The following APCDD1L variants were observed in gnomAD, a reference collection of about 807,000 sequenced individuals.
The protein encoded by APCDD1L is protein APCDD1-like.
A neutral mutation model predicts 24.2 loss-of-function variants in APCDD1L; 21 were observed. The ratio of observed to expected loss-of-function variants is 0.87; its 90% CI spans 0.61 to 1.25. APCDD1L has a LOEUF of 1.25. Among genes scored for constraint, APCDD1L ranks in the 50% most tolerant of loss-of-function variants. The pLI is 0.00. For missense variants in APCDD1L, 704 were observed against 711.7 expected, an observed-to-expected ratio of 0.99 and a Z score of 0.12; for synonymous variants, 321 against 323.6, an observed-to-expected ratio of 0.99 and a Z score of 0.09.
Position 58,460,663 on chromosome 20 carries a change from A to G in APCDD1L, c.*127T>C, listed in dbSNP as rs1989577569. The G allele has an allele frequency of 5.8e-6, 7 of 1,205,924 alleles. No homozygotes were observed. Among genetic ancestry groups the G allele is most frequent in the African/African-American group, 1.5e-5 (1 of 65,596 alleles). The allele number at this position is 1,205,924 out of a possible 1,614,324, so 74.7% of individuals were successfully genotyped here. ...ACATGGGACACAGGCAGAGTTTGGA[A>G]GCAGTGGGGCTGTGCATCCATCCAT... On this transcript the variant is annotated 3_prime_UTR_variant, in exon 4 of 4. Transcript: ENST00000371149. This position sits in a 1 kb window ranked among gnomAD's most constrained non-coding sequence, Gnocchi z 4.2.
intron 1 of APCDD1L, among the ~76,000 whole-genome samples, chr20:58,478,361 C>CTTCCTTCCTTCCT (rs1555821836): frequency 1.3e-5 from 2 of 148,860 alleles, no homozygotes; most frequent in Non-Finnish European, 3.0e-5. Context: ...TTTTTCTTTT[C>CTTCCTTCCTTCCT]TCCTTCCTTC....
intron 3 of APCDD1L, among the ~76,000 whole-genome samples, chr20:58,466,546 C>G (rs766099156): frequency 2.2e-4 from 33 of 152,274 alleles, no homozygotes; most frequent in Non-Finnish European, 4.7e-4. Context: ...AAGCTGCCCT[C>G]TCCCTAATTC....
chr20:58,482,078 G>A (rs760560461), intron 1 of APCDD1L, among the ~76,000 whole-genome samples: 2 of 152,188 alleles, frequency 1.3e-5, no homozygotes, highest in East Asian at 1.9e-4. Context: ...GGTCAGCTGC[G>A]ACGGGAAGCA....
At chr20:58,471,348 C>T (rs902934614) in intron 1 of APCDD1L, among the ~76,000 whole-genome samples, 11 of 152,188 alleles carry the variant, frequency 7.2e-5, no homozygotes, top group Admixed American at 3.9e-4. Context: ...GCTCAGCGAG[C>T]GTGTGGCAAG....
At chr20:58,462,843 CAA>C (rs59846654) in intron 3 of APCDD1L, among the ~76,000 whole-genome samples, 20 of 114,210 alleles carry the variant, frequency 1.8e-4, no homozygotes, top group Non-Finnish European at 2.8e-4. Context: ...GACACCATCT[CAA>C]AAAAAAAAAA....
At chr20:58,478,171 C>T (rs1029347725) in intron 1 of APCDD1L, among the ~76,000 whole-genome samples, 3 of 152,150 alleles carry the variant, frequency 2.0e-5, no homozygotes, top group African/African-American at 7.2e-5. Flanking sequence ...AGTACTTCCT[C>T]ATTTCCTGGT....
chr20:58,511,278 A>G (rs1205560705), intron 1 of APCDD1L, among the ~76,000 whole-genome samples: 1 of 152,198 alleles, frequency 6.6e-6, no homozygotes, highest in Admixed American at 6.5e-5. Flanking sequence ...CCCCCAACTC[A>G]ACTTAGCTGC....
At chr20:58,477,808 T>TG (rs1253768682) in intron 1 of APCDD1L, among the ~76,000 whole-genome samples, 5 of 152,184 alleles carry the variant, frequency 3.3e-5, no homozygotes, top group Non-Finnish European at 5.9e-5. Context: ...TTTTTAGAGA[T>TG]GGGGTCTCAC....
At position 58,514,944 on chromosome 20, in the gene APCDD1L, GC is replaced by G. The variant is rs1409156666; in HGVS notation, c.-238del. The G allele has an allele frequency of 8.2e-6, 3 of 365,532 alleles. No individual in the cohort carries two copies. Among genetic ancestry groups the G allele is most frequent in the Non-Finnish European group, 1.5e-5 (3 of 206,032 alleles). 22.6% of individuals were successfully genotyped at this position (365,532 alleles called of 1,614,324 possible). A position where few individuals can be genotyped will look rare whatever the true frequency, so the allele number is the denominator to read the frequency against. ...CAACTTGCCAGAAGAGGTGGAGACA[GC>G]CCCCGGCGAGGCGCGCACACCCGCG... On this transcript the variant is annotated 5_prime_UTR_variant, in exon 1 of 4. The change abolishes the stop of an existing upstream ORF in the 5' untranslated region. Coordinates refer to ENST00000371149, the MANE Select transcript of APCDD1L (RefSeq NM_153360.3).
chr20:58,483,961 A>AG (rs1254396940), intron 1 of APCDD1L, among the ~76,000 whole-genome samples: 4 of 152,144 alleles, frequency 2.6e-5, no homozygotes, highest in Non-Finnish European at 4.4e-5. Context: ...AGGCCAGGGG[A>AG]GGGGGCACAG....
At chr20:58,502,476 G>C (rs1382399512) in intron 1 of APCDD1L, among the ~76,000 whole-genome samples, 1 of 152,088 alleles carries the variant, frequency 6.6e-6, no homozygotes, top group Non-Finnish European at 1.5e-5. Context: ...GTCCCATAAG[G>C]TCCATGCCAG....
intron 3 of APCDD1L, among the ~76,000 whole-genome samples, chr20:58,462,891 C>T (rs1449110898): frequency 6.7e-6 from 1 of 150,180 alleles, no homozygotes; most frequent in Non-Finnish European, 1.5e-5. Flanking sequence ...TGCCTGTAAT[C>T]CCAGCACTTT....
At chr20:58,464,104 G>A (rs1989666684) in intron 3 of APCDD1L, among the ~76,000 whole-genome samples, 1 of 152,124 alleles carries the variant, frequency 6.6e-6, no homozygotes, top group Non-Finnish European at 1.5e-5. Flanking sequence ...TAGCCGGAGT[G>A]TTGGTGATTG....
intron 1 of APCDD1L, among the ~76,000 whole-genome samples, chr20:58,506,529 C>T (rs968010917): frequency 6.6e-6 from 1 of 152,164 alleles, no homozygotes; most frequent in African/African-American, 2.4e-5. Context: ...GGTTAAACAT[C>T]ATTTTGCAAA....
In APCDD1L at chr20:58,508,933, C is replaced by T. The variant is rs1037930960; in HGVS notation, c.49+5726G>A. 7.3e-5 allele frequency among the ~76,000 whole-genome samples: 11 copies of T among 151,312 alleles called. No individual in the cohort carries two copies. Among genetic ancestry groups the T allele is most frequent in the Admixed American group, 2.0e-4 (3 of 15,172 alleles). On this transcript the variant is annotated intron_variant, in intron 1 of 3. Transcript: ENST00000371149. This position sits in a 1 kb window ranked among gnomAD's most constrained non-coding sequence, Gnocchi z 4.0. ...ACATGCGTGAGTGTGCATGAGTGTG[C>T]GTGAGTGTGTGTGAGTGTGCATGTG...
intron 1 of APCDD1L, among the ~76,000 whole-genome samples, chr20:58,512,506 C>T (rs1990646689): frequency 2.0e-5 from 3 of 152,084 alleles, no homozygotes. Context: ...GCCCCTCATC[C>T]CCAACAAAGA....
intron 1 of APCDD1L, among the ~76,000 whole-genome samples, chr20:58,492,344 A>G (rs1344694827): frequency 6.6e-6 from 1 of 152,266 alleles, no homozygotes; most frequent in Non-Finnish European, 1.5e-5. Flanking sequence ...CTTAAGGAGA[A>G]GATAAATCAT....
intron 3 of APCDD1L, among the ~76,000 whole-genome samples, chr20:58,463,392 G>A (rs112698857): frequency 0.035 from 5,362 of 152,156 alleles, 140 homozygotes; most frequent in Non-Finnish European, 0.052. Context: ...ACAAACTCTC[G>A]TGAGCTGGGT....
chr20:58,510,253 C>T (rs1990601383), intron 1 of APCDD1L, among the ~76,000 whole-genome samples: 1 of 152,196 alleles, frequency 6.6e-6, no homozygotes, highest in South Asian at 2.1e-4. Context: ...GTCTTCCGCA[C>T]CTCACACCAG....
Sources: allele counts gnomAD v4.1 joint callset (sites outside exome capture counted in the v4.1 genomes callset), GRCh38; gene constraint gnomAD v4.1.1; non-coding constraint Gnocchi (gnomAD v3.1); transcripts MANE v1.5; gene names NCBI Gene and HGNC (gene_info 2026-07-23, HGNC 2026-07-21).